The following RBFOX1 variants were observed in gnomAD, a reference collection of about 807,000 sequenced individuals.
RBFOX1 encodes RNA binding protein fox-1 homolog 1.
Under a neutral mutation model 57.7 loss-of-function variants are expected in RBFOX1, and 8 were observed. That is an observed-to-expected ratio of 0.14 (90% CI 0.08 to 0.25). The LOEUF (loss-of-function observed/expected upper bound fraction) is 0.25. Ranked by LOEUF, RBFOX1 falls within the 10% of genes least tolerant of loss-of-function variation. The pLI is 1.00. For missense variants in RBFOX1, 611 were observed against 548.5 expected, an observed-to-expected ratio of 1.11 and a Z score of -1.14; for synonymous variants, 326 against 222.4, an observed-to-expected ratio of 1.47 and a Z score of -4.15.
At chr16:6,120,024 C>T (rs2096537036) in intron 1 of RBFOX1, among the ~76,000 whole-genome samples, 1 of 152,174 alleles carries the variant, frequency 6.6e-6, no homozygotes, top group Non-Finnish European at 1.5e-5. Flanking sequence ...TTTGTGTAAA[C>T]AGAATCATAC....
intron 4 of RBFOX1, among the ~76,000 whole-genome samples, chr16:7,443,314 A>G (rs977454433): frequency 1.3e-5 from 2 of 152,164 alleles, no homozygotes; most frequent in Admixed American, 1.3e-4. Context: ...ATGCTTGATC[A>G]GCAGCCTTTA....
intron 4 of RBFOX1, among the ~76,000 whole-genome samples, chr16:7,184,309 C>T (rs1215494249): frequency 6.6e-6 from 1 of 152,152 alleles, no homozygotes; most frequent in Non-Finnish European, 1.5e-5. Flanking sequence ...AGAGGGAAGA[C>T]ATCATCCAAA....
chr16:6,730,412 C>A (rs1170089896), intron 3 of RBFOX1, among the ~76,000 whole-genome samples: 1 of 152,144 alleles, frequency 6.6e-6, no homozygotes, highest in South Asian at 2.1e-4. Flanking sequence ...CATCTGTCAT[C>A]TCTCTATCTC....
At chr16:7,332,858 C>T (rs981158827) in intron 4 of RBFOX1, 58 of 1,469,504 alleles carry the variant, frequency 3.9e-5, no homozygotes, top group Non-Finnish European at 4.9e-5. Context: ...TCTTTCCTCT[C>T]CCGGCGTTGA....
intron 1 of RBFOX1, among the ~76,000 whole-genome samples, chr16:5,292,867 T>C (rs1025370499): frequency 1.4e-4 from 21 of 152,102 alleles, no homozygotes; most frequent in Admixed American, 3.3e-4. Flanking sequence ...TCGTGGTCCA[T>C]CCACCTCGGC....
At chr16:5,580,037 C>A (rs1298741630) in intron 2 of RBFOX1, among the ~76,000 whole-genome samples, 1 of 152,154 alleles carries the variant, frequency 6.6e-6, no homozygotes. Flanking sequence ...TCCCAAAGTG[C>A]TGGGATTACA....
chr16:6,620,577 A>G (rs77220693), intron 2 of RBFOX1, among the ~76,000 whole-genome samples: 4,361 of 152,222 alleles, frequency 0.029, 77 homozygotes, highest in Non-Finnish European at 0.039. Flanking sequence ...TTAAACAACA[A>G]CAATAACAAC....
chr16:5,763,306 A>T (rs576972471), intron 3 of RBFOX1, among the ~76,000 whole-genome samples: 1 of 152,268 alleles, frequency 6.6e-6, no homozygotes, highest in African/African-American at 2.4e-5. Context: ...GGAAACACAC[A>T]CAAGAGCGCT....
chr16:5,745,336 C>A (rs921909537), intron 3 of RBFOX1, among the ~76,000 whole-genome samples: 2 of 152,154 alleles, frequency 1.3e-5, no homozygotes, highest in Non-Finnish European at 2.9e-5. Context: ...TTAATCCGGT[C>A]TATCATTGAT....
chr16:6,793,562 C>T (rs1188694556), intron 3 of RBFOX1, among the ~76,000 whole-genome samples: 1 of 152,126 alleles, frequency 6.6e-6, no homozygotes, highest in Non-Finnish European at 1.5e-5. Context: ...CATTTCAATT[C>T]TTGGCCCTTC....
intron 1 of RBFOX1, among the ~76,000 whole-genome samples, chr16:6,118,982 C>A (rs936214911): frequency 6.6e-6 from 1 of 151,008 alleles, no homozygotes; most frequent in African/African-American, 2.4e-5. Context: ...CCTTAGTTCC[C>A]TCCAGTCTGT....
At chr16:6,515,388 A>C (rs2153789456) in intron 2 of RBFOX1, among the ~76,000 whole-genome samples, 1 of 152,276 alleles carries the variant, frequency 6.6e-6, no homozygotes, top group Admixed American at 6.5e-5. Context: ...GCATTACGTA[A>C]AACCAAACAT....
intron 3 of RBFOX1, among the ~76,000 whole-genome samples, chr16:5,829,099 C>G (rs1299204722): frequency 1.3e-5 from 2 of 152,092 alleles, no homozygotes; most frequent in Non-Finnish European, 2.9e-5. Flanking sequence ...GTCTCTAGCT[C>G]CAGCTCACAC....
intron 4 of RBFOX1, among the ~76,000 whole-genome samples, chr16:7,242,338 G>C (rs1248707891): frequency 6.6e-6 from 1 of 152,166 alleles, no homozygotes; most frequent in Non-Finnish European, 1.5e-5. Flanking sequence ...TCATTGGAAA[G>C]GAAGGTACCT....
chr16:6,172,794 A>G (rs2096971434), intron 1 of RBFOX1, among the ~76,000 whole-genome samples: 1 of 152,200 alleles, frequency 6.6e-6, no homozygotes, highest in African/African-American at 2.4e-5. Flanking sequence ...TATTGCTGCT[A>G]TAACAGATTA....
At chr16:6,401,907 A>G (rs1286421283) in intron 2 of RBFOX1, among the ~76,000 whole-genome samples, 1 of 151,918 alleles carries the variant, frequency 6.6e-6, no homozygotes, top group African/African-American at 2.4e-5. Flanking sequence ...AGAAATTGCT[A>G]TTGTTTCCAC....
At chr16:7,462,068 A>G (rs1201197422) in intron 4 of RBFOX1, among the ~76,000 whole-genome samples, 1 of 152,128 alleles carries the variant, frequency 6.6e-6, no homozygotes, top group East Asian at 1.9e-4. Context: ...AACTGTGAAA[A>G]TCTTCTCCTG....
At chr16:7,510,063 T>G (rs1292165254) in intron 4 of RBFOX1, 1 of 837,892 alleles carries the variant, frequency 1.2e-6, no homozygotes, top group African/African-American at 1.9e-5. Flanking sequence ...AAGCTGTGAT[T>G]GATGGGCCAG....
intron 3 of RBFOX1, among the ~76,000 whole-genome samples, chr16:6,928,386 G>T (rs2075983507): frequency 6.6e-6 from 1 of 152,122 alleles, no homozygotes; most frequent in Non-Finnish European, 1.5e-5. Flanking sequence ...GCCAACAAAG[G>T]GCCCTGTGGG....
Sources: gnomAD v4.1 joint callset for allele counts (sites outside exome capture counted in the v4.1 genomes callset) on GRCh38, gnomAD v4.1.1 for gene constraint, MANE v1.5 for transcripts, NCBI Gene and HGNC (gene_info 2026-07-23, HGNC 2026-07-21) for gene names.